The following SPAG16 variants were observed in gnomAD, a reference collection of about 807,000 sequenced individuals.
SPAG16 encodes the protein sperm associated antigen 16.
SPAG16 carries 86 observed loss-of-function variants against 80.4 expected under a neutral mutation model. The observed-to-expected ratio is 1.07, with a 90% CI of 0.90 to 1.28. The LOEUF (loss-of-function observed/expected upper bound fraction) is 1.28. SPAG16 is among the 50% of genes most tolerant of loss of function. The pLI, the probability that SPAG16 is intolerant of heterozygous loss-of-function variation, is 0.00. For synonymous variants in SPAG16, 294 were observed against 265.9 expected (o/e 1.11, Z -1.03); for missense variants, 870 against 765.3 (o/e 1.14, Z -1.61).
chr2:214,386,438 A>G lies in SPAG16; in HGVS notation c.1721-23702A>G, dbSNP rs377698503. 4.5e-4 allele frequency among the ~76,000 whole-genome samples: 68 copies of G among 152,298 alleles called. No homozygotes were observed. In the South Asian group the frequency reaches 5.8e-3, roughly 13 times the overall value. Reference sequence around the variant, plus strand: ...AAAAGCAAAGACAAAATTTATGAACATTGTTTTTTAAGAAACATTTTTCTC... The same window carrying G: ...AAAAGCAAAGACAAAATTTATGAACGTTGTTTTTTAAGAAACATTTTTCTC... On this transcript the variant is annotated intron_variant, in intron 15 of 15. Transcript: ENST00000331683.
At chr2:213,914,785 C>G (rs1275121211) in intron 11 of SPAG16, among the ~76,000 whole-genome samples, 2 of 152,080 alleles carry the variant, frequency 1.3e-5, no homozygotes, top group African/African-American at 4.8e-5. Context: ...TGTATGTCTT[C>G]TTTTGGAAAG....
intron 12 of SPAG16, among the ~76,000 whole-genome samples, chr2:213,976,162 A>G (rs930459506): frequency 2.4e-4 from 36 of 148,372 alleles, no homozygotes; most frequent in Non-Finnish European, 3.9e-4. Flanking sequence ...ACACGTATGT[A>G]TATACATATA....
intron 9 of SPAG16, among the ~76,000 whole-genome samples, chr2:213,400,412 T>C (rs1305718164): frequency 2.0e-5 from 3 of 152,218 alleles, no homozygotes; most frequent in African/African-American, 7.2e-5. Flanking sequence ...GTGGCTTATG[T>C]AGAGGACATT....
intron 7 of SPAG16, among the ~76,000 whole-genome samples, chr2:213,356,411 G>T (rs2266575): frequency 6.6e-6 from 1 of 152,158 alleles, no homozygotes; most frequent in Non-Finnish European, 1.5e-5. Context: ...ATTAATTATT[G>T]CCGCAATTTC....
At chr2:213,509,190 G>A in intron 10 of SPAG16, among the ~76,000 whole-genome samples, 1 of 152,024 alleles carries the variant, frequency 6.6e-6, no homozygotes, top group East Asian at 1.9e-4. Context: ...AAGAGACGGG[G>A]TTTCACCATC....
chr2:213,631,845 G>C (rs187622173), intron 10 of SPAG16, among the ~76,000 whole-genome samples: 6 of 152,106 alleles, frequency 3.9e-5, no homozygotes, highest in African/African-American at 1.4e-4. Context: ...GGGCCTATGT[G>C]TGTGGTTTTA....
intron 9 of SPAG16, among the ~76,000 whole-genome samples, chr2:213,417,969 G>T (rs1269226975): frequency 6.6e-6 from 1 of 151,792 alleles, no homozygotes; most frequent in South Asian, 2.1e-4. Context: ...TGCTTCCCAG[G>T]TTCAAGCAAT....
chr2:213,784,797 A>G (rs1240832844), intron 10 of SPAG16, among the ~76,000 whole-genome samples: 3 of 151,888 alleles, frequency 2.0e-5, no homozygotes, highest in African/African-American at 4.8e-5. Flanking sequence ...GAACAAGTTT[A>G]TTATTTTTTT....
chr2:213,442,411 C>G (rs1208345923), intron 9 of SPAG16, among the ~76,000 whole-genome samples: 1 of 152,114 alleles, frequency 6.6e-6, no homozygotes, highest in African/African-American at 2.4e-5. Flanking sequence ...TTGTGGATAT[C>G]AACAAACTGA....
At chr2:213,668,305 C>T (rs2063686359) in intron 10 of SPAG16, among the ~76,000 whole-genome samples, 1 of 130,834 alleles carries the variant, frequency 7.6e-6, no homozygotes, top group African/African-American at 3.2e-5. Context: ...AGTTAGTACT[C>T]ATATGGGTGC....
At chr2:213,797,701 A>C (rs546241349) in intron 10 of SPAG16, among the ~76,000 whole-genome samples, 1 of 152,312 alleles carries the variant, frequency 6.6e-6, no homozygotes, top group Admixed American at 6.5e-5. Context: ...TGTGTACCAC[A>C]TTTTGTTTAT....
intron 9 of SPAG16, among the ~76,000 whole-genome samples, chr2:213,394,857 A>AT (rs1369227006): frequency 1.3e-5 from 2 of 152,004 alleles, no homozygotes; most frequent in Non-Finnish European, 2.9e-5. Flanking sequence ...TGGACTTGGG[A>AT]TTTTTTGGAT....
intron 10 of SPAG16, among the ~76,000 whole-genome samples, chr2:213,797,888 A>T (rs2071145192): frequency 6.6e-6 from 1 of 152,234 alleles, no homozygotes; most frequent in Admixed American, 6.5e-5. Flanking sequence ...CATATGAGAA[A>T]CTGGCAGACA....
intron 15 of SPAG16, among the ~76,000 whole-genome samples, chr2:214,199,204 C>A (rs781104748): frequency 2.4e-4 from 37 of 151,952 alleles, no homozygotes; most frequent in Non-Finnish European, 3.8e-4. Flanking sequence ...AGAGTTTTTC[C>A]GATGTTAACT....
intron 9 of SPAG16, among the ~76,000 whole-genome samples, chr2:213,443,032 C>T (rs1324017583): frequency 6.6e-6 from 1 of 152,042 alleles, no homozygotes; most frequent in Non-Finnish European, 1.5e-5. Flanking sequence ...CAAAAATATA[C>T]AAATGACTTC....
At chr2:214,168,616 C>G (rs1395721638) in intron 15 of SPAG16, among the ~76,000 whole-genome samples, 1 of 151,960 alleles carries the variant, frequency 6.6e-6, no homozygotes, top group African/African-American at 2.4e-5. Flanking sequence ...GGAAAGGCCT[C>G]TGAGAAAAAG....
chr2:214,313,152 C>T (rs1695449989), intron 15 of SPAG16, among the ~76,000 whole-genome samples: 1 of 151,850 alleles, frequency 6.6e-6, no homozygotes, highest in Non-Finnish European at 1.5e-5. Flanking sequence ...TCAAATCAAA[C>T]ATTTACTTTA....
rs558534808 is a variant in SPAG16 at position 214,261,107 on chromosome 2, C to CAAAAAAAAAAAAAAAAAAAAAAA, written c.1720+111865_1720+111887dup. Among the ~76,000 whole-genome samples the CAAAAAAAAAAAAAAAAAAAAAAA allele has an allele frequency of 1.3e-4, 7 of 54,472 alleles. 1 individual carries two copies. The highest frequency in any genetic ancestry group is 1.3e-3 in the East Asian group (2 of 1,566). 35.7% of individuals were successfully genotyped at this position (54,472 alleles called of 152,430 possible). ...GGGCTACAAGAGCAAGACTCAGTCT[C>CAAAAAAAAAAAAAAAAAAAAAAA]AAAAAAAAAAAAAAAAAAAAAAAAA... On this transcript the variant is annotated intron_variant, in intron 15 of 15. Coordinates refer to ENST00000331683, the MANE Select transcript of SPAG16 (RefSeq NM_024532.5).
intron 15 of SPAG16, among the ~76,000 whole-genome samples, chr2:214,166,383 G>T (rs2056656198): frequency 6.6e-6 from 1 of 152,162 alleles, no homozygotes; most frequent in Non-Finnish European, 1.5e-5. Flanking sequence ...GGCAGGAAGA[G>T]AGGGAGATTG....
Sources: gnomAD v4.1 joint callset for allele counts (sites outside exome capture counted in the v4.1 genomes callset) on GRCh38, gnomAD v4.1.1 for gene constraint, MANE v1.5 for transcripts, NCBI Gene and HGNC (gene_info 2026-07-23, HGNC 2026-07-21) for gene names.